The following TRMT9B variants were observed in gnomAD, a reference collection of about 807,000 sequenced individuals.
The protein encoded by TRMT9B is probable tRNA methyltransferase 9B.
Under a neutral mutation model 11.5 loss-of-function variants are expected in TRMT9B, and 16 were observed. The observed-to-expected ratio is 1.39, with a 90% confidence interval of 0.94 to 2.11. The LOEUF (loss-of-function observed/expected upper bound fraction) is 2.11, where lower values mean the gene tolerates loss of function less well. Among genes scored for constraint, TRMT9B ranks in the 30% most tolerant of loss-of-function variants. TRMT9B has a pLI of 0.00. For synonymous variants in TRMT9B, 274 were observed against 192.4 expected (o/e 1.42, Z -3.51); for missense variants, 941 against 553.8 (o/e 1.70, Z -7.02).
chr8:12,970,041 C>T (rs1331358044), intron 1 of TRMT9B: 3 of 152,028 alleles, frequency 2.0e-5, no homozygotes, highest in Admixed American at 1.3e-4. Flanking sequence ...GAAGGCCAAC[C>T]ATGCATAACG....
At chr8:12,990,736 G>A (rs2128878574) in intron 1 of TRMT9B, 98 bp from the exon 2 acceptor site, 1 of 595,556 alleles carries the variant, frequency 1.7e-6, no homozygotes, top group Non-Finnish European at 2.4e-6. Flanking sequence ...ACTTGGCTGG[G>A]TAATTTATGC....
intron 1 of TRMT9B, among the ~76,000 whole-genome samples, chr8:12,988,385 T>C (rs1007965793): frequency 5.3e-5 from 8 of 152,332 alleles, no homozygotes; most frequent in African/African-American, 1.7e-4. Context: ...AAATGATTAT[T>C]TTATAATGAT....
In TRMT9B at chr8:13,023,517, G is replaced by C. The variant is rs1465866244; in HGVS notation, c.*1473G>C. The stretch of plus-strand genomic sequence containing the variant: ...CACTGTGTGGTCACTGTTTAGATTT[G>C]CCCATGGGTCTCTTTAAATCTATGT... On this transcript the variant is annotated 3_prime_UTR_variant, in exon 5 of 5. Coordinates refer to ENST00000524591, the MANE Select transcript of TRMT9B (RefSeq NM_020844.3). The C allele has an allele frequency of 6.0e-6, 1 of 166,992 alleles. No individual in the cohort carries two copies. Among genetic ancestry groups the C allele is most frequent in the Non-Finnish European group, 1.5e-5 (1 of 68,118 alleles). The allele number at this position is 166,992 out of a possible 1,614,324, so 10.3% of individuals were successfully genotyped here.
intron 1 of TRMT9B, among the ~76,000 whole-genome samples, chr8:12,983,559 G>T (rs1414180717): frequency 6.6e-6 from 1 of 152,072 alleles, no homozygotes; most frequent in Admixed American, 6.6e-5. Context: ...AATCTCAGCT[G>T]CTCAGGAGGC....
chr8:12,997,859 T>A (rs1411596201), intron 2 of TRMT9B, among the ~76,000 whole-genome samples: 1 of 152,200 alleles, frequency 6.6e-6, no homozygotes, highest in Non-Finnish European at 1.5e-5. Flanking sequence ...AATTCACATT[T>A]CTTCCAGTGG....
At chr8:13,004,803 C>A (rs536113709) in intron 2 of TRMT9B, among the ~76,000 whole-genome samples, 62 of 152,122 alleles carry the variant, frequency 4.1e-4, no homozygotes, top group Non-Finnish European at 6.3e-4. Flanking sequence ...GGAAAGGGGA[C>A]TTTGCCTTGC....
intron 1 of TRMT9B, among the ~76,000 whole-genome samples, chr8:12,952,905 AATTTTTGT>A (rs1308295191): frequency 6.6e-6 from 1 of 152,006 alleles, no homozygotes; most frequent in African/African-American, 2.4e-5. Flanking sequence ...ATGCCTGGCT[AATTTTTGT>A]ATTTTTACTA....
At chr8:13,004,544 T>A (rs1285116477) in intron 2 of TRMT9B, among the ~76,000 whole-genome samples, 1 of 151,918 alleles carries the variant, frequency 6.6e-6, no homozygotes, top group East Asian at 2.0e-4. Context: ...CCCCAGATGA[T>A]ATTTCTAGAC....
intron 1 of TRMT9B, chr8:12,962,072 C>G (rs1025907980): frequency 2.0e-5 from 3 of 152,292 alleles, no homozygotes; most frequent in African/African-American, 4.8e-5. Context: ...TTTCTCCAAC[C>G]TTCTACCATT....
intron 1 of TRMT9B, among the ~76,000 whole-genome samples, chr8:12,976,609 A>G (rs184243783): frequency 4.6e-5 from 7 of 152,270 alleles, no homozygotes; most frequent in Middle Eastern, 3.4e-3. Flanking sequence ...TAAAATAAAA[A>G]TAACATATCA....
intron 2 of TRMT9B, among the ~76,000 whole-genome samples, chr8:12,995,251 C>T (rs1482349467): frequency 6.6e-6 from 1 of 152,212 alleles, no homozygotes; most frequent in African/African-American, 2.4e-5. Flanking sequence ...AAGCAAGTTT[C>T]AGCTGCAGTT....
intron 1 of TRMT9B, among the ~76,000 whole-genome samples, chr8:12,957,713 A>T (rs1037574894): frequency 6.6e-6 from 1 of 152,234 alleles, no homozygotes; most frequent in Admixed American, 6.5e-5. Flanking sequence ...TTAAGGTGCT[A>T]GTATTATAGC....
chr8:13,002,016 G>T (rs535202137), intron 2 of TRMT9B, among the ~76,000 whole-genome samples: 7 of 152,070 alleles, frequency 4.6e-5, no homozygotes, highest in Non-Finnish European at 4.4e-5. Context: ...ATTTAAATCC[G>T]CAGCATTTAA....
Position 13,022,034 on chromosome 8 carries a change from G to T in TRMT9B, c.1355G>T (p.Gly452Val), listed in dbSNP as rs753850162. The change falls in exon 5 of 5, where the codon GGT (glycine) becomes GTT (valine). Residue 452 changes from glycine to valine, a missense_variant. Transcript: ENST00000524591. ...NWCIIAEKKRGCD is the reference protein window; with the variant it reads ...NWCIIAEKKRVCD Reference sequence around the variant, plus strand: ...TGTATCATTGCAGAGAAAAAGAGAGGTTGTGATTGATTGGATCCTTTTAGA... The same window carrying T: ...TGTATCATTGCAGAGAAAAAGAGAGTTTGTGATTGATTGGATCCTTTTAGA... 30 of 1,575,432 alleles carry T rather than the reference G, an allele frequency of 1.9e-5. No homozygotes were observed. The South Asian group carries it at 3.0e-4, about 16-fold the overall frequency.
At chr8:13,015,466 C>T (rs1268614490) in intron 4 of TRMT9B, among the ~76,000 whole-genome samples, 1 of 152,144 alleles carries the variant, frequency 6.6e-6, no homozygotes, top group African/African-American at 2.4e-5. Context: ...ATCCTCCTGC[C>T]TCAGCCTCCC....
intron 4 of TRMT9B, among the ~76,000 whole-genome samples, chr8:13,020,242 A>G (rs1484956910): frequency 6.6e-6 from 1 of 152,150 alleles, no homozygotes; most frequent in Non-Finnish European, 1.5e-5. Context: ...GTAGGGAAAA[A>G]TAATTTGAAG....
chr8:13,015,117 A>C (rs1027090383), intron 4 of TRMT9B, among the ~76,000 whole-genome samples: 3 of 151,660 alleles, frequency 2.0e-5, no homozygotes, highest in Non-Finnish European at 2.9e-5. Flanking sequence ...AAGTCAAAGA[A>C]ATCTGTGGAC....
intron 3 of TRMT9B, among the ~76,000 whole-genome samples, chr8:13,010,042 G>T (rs1811299317): frequency 6.6e-6 from 1 of 151,892 alleles, no homozygotes; most frequent in Non-Finnish European, 1.5e-5. Flanking sequence ...GGAGGCTGAG[G>T]TAGGAGGACA....
Position 13,024,135 on chromosome 8 carries a change from C to CTT in TRMT9B, c.*2091_*2092insTT, listed in dbSNP as rs1814389570. On this transcript the variant is annotated 3_prime_UTR_variant, in exon 5 of 5. Transcript: ENST00000524591. ...CTCGGCTCACTGTAAGCTCCGCCTC[C>CTT]CGGGTTCACGCCATCCTCCTGCCTC... The CTT allele has an allele frequency of 1.3e-5, 2 of 151,654 alleles. No individual in the cohort carries two copies. Among genetic ancestry groups the CTT allele is most frequent in the Non-Finnish European group, 3.0e-5 (2 of 67,432 alleles). 9.4% of individuals were successfully genotyped at this position (151,654 alleles called of 1,614,324 possible). A position where few individuals can be genotyped will look rare whatever the true frequency, so the allele number is the denominator to read the frequency against.
Sources: gnomAD v4.1 joint callset for allele counts (sites outside exome capture counted in the v4.1 genomes callset) on GRCh38, gnomAD v4.1.1 for gene constraint, MANE v1.5 for transcripts, NCBI Gene and HGNC (gene_info 2026-07-23, HGNC 2026-07-21) for gene names.